Variants in FBXO45 observed in about 807,000 individuals in gnomAD.
The protein encoded by FBXO45 is F-box/SPRY domain-containing protein 1.
Under a neutral mutation model 25.5 loss-of-function variants are expected in FBXO45, and 3 were observed. That is an observed-to-expected ratio of 0.12 (90% CI 0.05 to 0.30). The LOEUF (loss-of-function observed/expected upper bound fraction) is 0.30, where lower values mean the gene tolerates loss of function less well. Ranked by LOEUF, FBXO45 falls within the 10% of genes least tolerant of loss-of-function variation. The pLI is 1.00. For synonymous variants in FBXO45, 155 were observed against 149.8 expected, an observed-to-expected ratio of 1.03 and a Z score of -0.25; for missense variants, 219 against 365.0, an observed-to-expected ratio of 0.60 and a Z score of 3.26.
At chr3:196,570,896 A>G (rs559103879) in intron 1 of FBXO45, among the ~76,000 whole-genome samples, 1 of 152,094 alleles carries the variant, frequency 6.6e-6, no homozygotes, top group Admixed American at 6.5e-5. Context: ...TACTTTCAGT[A>G]GAGACAGGGT....
In FBXO45 at chr3:196,569,714, T is replaced by C. The variant is rs2088181257; in HGVS notation, c.318+412T>C. 2.0e-5 allele frequency among the ~76,000 whole-genome samples: 3 copies of C among 152,244 alleles called. No individual in the cohort carries two copies. The South Asian group carries it at 6.2e-4, about 31-fold the overall frequency. Reference sequence around the variant, plus strand: ...GTTTCTAAGTTTCTAAGTTTCTAGTTTGCTTTCACTCCACGTTTATCTCAT... The same window carrying C: ...GTTTCTAAGTTTCTAAGTTTCTAGTCTGCTTTCACTCCACGTTTATCTCAT... On this transcript the variant is annotated intron_variant, in intron 1 of 2. Coordinates refer to ENST00000311630, the MANE Select transcript of FBXO45 (RefSeq NM_001105573.2). The surrounding 1 kb of genome is among the most constrained non-coding windows in gnomAD (Gnocchi z 4.1).
intron 1 of FBXO45, among the ~76,000 whole-genome samples, 198 bp from the exon 2 acceptor site, chr3:196,577,255 G>A (rs535739509): frequency 1.4e-5 from 2 of 139,666 alleles, no homozygotes; most frequent in South Asian, 4.5e-4. Flanking sequence ...GTGATGAAAC[G>A]GTTGGCATTT....
chr3:196,570,624 T>C (rs761665987), intron 1 of FBXO45, among the ~76,000 whole-genome samples: 5 of 152,146 alleles, frequency 3.3e-5, no homozygotes, highest in Non-Finnish European at 1.5e-5. Context: ...AATTTATACT[T>C]ATGTAGTAAA....
intron 1 of FBXO45, among the ~76,000 whole-genome samples, chr3:196,575,642 T>G (rs1212377012): frequency 6.6e-6 from 1 of 151,784 alleles, no homozygotes; most frequent in African/African-American, 2.4e-5. Context: ...GACATGTTCC[T>G]TCCCCATTTA....
At position 196,582,774 on chromosome 3, in the gene FBXO45, A is replaced by G. The variant is rs535352151; in HGVS notation, c.676-1359A>G. ...GTTTAATAAGCCTATTCTATATTCTACATTAGAATTTGTAGCCAGATTGGA... is the reference window on the plus strand; with the variant it reads ...GTTTAATAAGCCTATTCTATATTCTGCATTAGAATTTGTAGCCAGATTGGA... On this transcript the variant is annotated intron_variant, in intron 2 of 2. Coordinates refer to ENST00000311630, the MANE Select transcript of FBXO45 (RefSeq NM_001105573.2). 4.6e-5 allele frequency among the ~76,000 whole-genome samples: 7 copies of G among 152,332 alleles called. No individual in the cohort carries two copies. In the East Asian group the frequency reaches 5.8e-4, roughly 13 times the overall value.
intron 1 of FBXO45, among the ~76,000 whole-genome samples, chr3:196,572,031 G>A (rs528542557): frequency 5.3e-5 from 8 of 152,328 alleles, no homozygotes; most frequent in African/African-American, 1.7e-4. Flanking sequence ...TCAGTGAAAG[G>A]AGGAATTTAC....
rs562209451 is a variant in FBXO45, at chr3:196,581,140, A to G, written c.676-2993A>G. On this transcript the variant is annotated intron_variant, in intron 2 of 2. Transcript: ENST00000311630. The stretch of plus-strand genomic sequence containing the variant: ...AGGTTATAAATTTTTTTCTTTTGCC[A>G]TCTCACCTCTGCTATTGAACTGGGC... 1.1e-4 allele frequency among the ~76,000 whole-genome samples: 16 copies of G among 147,644 alleles called. No homozygotes were observed. The South Asian group carries it at 2.8e-3, about 26-fold the overall frequency.
At chr3:196,575,259 C>G (rs1443444649) in intron 1 of FBXO45, among the ~76,000 whole-genome samples, 2 of 152,068 alleles carry the variant, frequency 1.3e-5, no homozygotes, top group Non-Finnish European at 1.5e-5. Context: ...AGTTTGAGAC[C>G]AGCCTGGCCA....
At position 196,588,575 on chromosome 3, in the gene FBXO45, T is replaced by C. The variant is rs959429239; in HGVS notation, c.*4257T>C. ...TCTCCTTGAAATTTCCCTAGTTTTA[T>C]ATATCTATAGTTGACTCATGCTGTA... On this transcript the variant is annotated 3_prime_UTR_variant, in exon 3 of 3. Transcript: ENST00000311630. This position sits in a 1 kb window ranked among gnomAD's most constrained non-coding sequence, Gnocchi z 4.2. 1 of 152,224 alleles carries C rather than the reference T, an allele frequency of 6.6e-6. No homozygotes were observed. Among genetic ancestry groups the C allele is most frequent in the East Asian group, 1.9e-4 (1 of 5,204 alleles). 9.4% of individuals were successfully genotyped at this position (152,224 alleles called of 1,614,324 possible).
In FBXO45 at chr3:196,569,284, G is replaced by T; in HGVS notation, c.300G>T (p.Leu100=). ...TGCGCACGGACATCCTGTGCAACCT[G>T]CCCAGCTACAAGGCCAAGGTGAGAG... ...EALRTDILCN[L]PSYKAKIRAF... is the part of the protein sequence containing the mutation. Residue 100 remains leucine (L), a synonymous_variant, in exon 1 of 3, where the codon CTG becomes CTT. Coordinates refer to ENST00000311630, the MANE Select transcript of FBXO45 (RefSeq NM_001105573.2). This position sits in a 1 kb window ranked among gnomAD's most constrained non-coding sequence, Gnocchi z 4.1. 1 of 1,570,966 alleles carries T rather than the reference G, an allele frequency of 6.4e-7. No homozygotes were observed. Among genetic ancestry groups the T allele is most frequent in the Non-Finnish European group, 8.6e-7 (1 of 1,156,414 alleles).
rs1346465465 is a variant in FBXO45, at chr3:196,587,219, G to A, written c.*2901G>A. ...TTACCTGGTTTTACATAGGAAAGAAGAAATATTAAGGCTTAAAGTTTGTAA... is the reference window on the plus strand; with the variant it reads ...TTACCTGGTTTTACATAGGAAAGAAAAAATATTAAGGCTTAAAGTTTGTAA... On this transcript the variant is annotated 3_prime_UTR_variant, in exon 3 of 3. Transcript: ENST00000311630. The A allele has an allele frequency of 1.3e-5, 2 of 152,186 alleles. No homozygotes were observed. The highest frequency in any genetic ancestry group is 6.5e-5 in the Admixed American group (1 of 15,272). 9.4% of individuals were successfully genotyped at this position (152,186 alleles called of 1,614,324 possible).
rs754450166 is a variant in FBXO45 at position 196,584,170 on chromosome 3, A to G, written c.713A>G (p.Asp238Gly). 6.2e-7 allele frequency: 1 copy of G among 1,613,796 alleles called. No homozygotes were observed. The highest frequency in any genetic ancestry group is 1.3e-5 in the African/African-American group (1 of 74,924). Residue 238 changes from aspartate (D) to glycine (G), a missense_variant, in exon 3 of 3, where the codon GAT becomes GGT. Transcript: ENST00000311630. The surrounding 1 kb of genome is among the most constrained non-coding windows in gnomAD (Gnocchi z 4.3). ...ERIRVILDME[D>G]KTLAFERGYE... is the part of the protein sequence containing the mutation. Reference sequence around the variant, plus strand: ...ATTCGAGTCATCTTGGACATGGAAGATAAGACTTTAGCTTTTGAACGTGGA... The same window carrying G: ...ATTCGAGTCATCTTGGACATGGAAGGTAAGACTTTAGCTTTTGAACGTGGA...
At chr3:196,583,059 A>G (rs1736041956) in intron 2 of FBXO45, among the ~76,000 whole-genome samples, 2 of 152,080 alleles carry the variant, frequency 1.3e-5, no homozygotes, top group Non-Finnish European at 2.9e-5. Context: ...CTGCTCTACA[A>G]CTATATATAT....
At position 196,585,794 on chromosome 3, in the gene FBXO45, G is replaced by A. The variant is rs1009369930; in HGVS notation, c.*1476G>A. 3.3e-5 allele frequency: 5 copies of A among 152,182 alleles called. No individual in the cohort carries two copies. The highest frequency in any genetic ancestry group is 4.8e-5 in the African/African-American group (2 of 41,444). 9.4% of individuals were successfully genotyped at this position (152,182 alleles called of 1,614,324 possible). A position where few individuals can be genotyped will look rare whatever the true frequency, so the allele number is the denominator to read the frequency against. On this transcript the variant is annotated 3_prime_UTR_variant, in exon 3 of 3. Coordinates refer to ENST00000311630, the MANE Select transcript of FBXO45 (RefSeq NM_001105573.2). The stretch of plus-strand genomic sequence containing the variant: ...TACATAAGAATTGACAAAAGCGAGC[G>A]AAATCTTTGTACTTCTGAGTTCTTG...
At chr3:196,574,726 G>A (rs1350198241) in intron 1 of FBXO45, among the ~76,000 whole-genome samples, 4 of 152,198 alleles carry the variant, frequency 2.6e-5, no homozygotes, top group Non-Finnish European at 5.9e-5. Context: ...AAATTGTTAC[G>A]TGGCACAGAA....
Position 196,584,381 on chromosome 3 carries a change from A to G in FBXO45, c.*63A>G. ...AGATCTGCTTATGGGAAGTAGAACC[A>G]TGAAGTGACTGTCACACATGCATGT... On this transcript the variant is annotated 3_prime_UTR_variant, in exon 3 of 3. Coordinates refer to ENST00000311630, the MANE Select transcript of FBXO45 (RefSeq NM_001105573.2). The surrounding 1 kb of genome is among the most constrained non-coding windows in gnomAD (Gnocchi z 4.3). The G allele has an allele frequency of 7.1e-7, 1 of 1,416,786 alleles. No homozygotes were observed. Among genetic ancestry groups the G allele is most frequent in the Non-Finnish European group, 9.5e-7 (1 of 1,053,624 alleles). The allele number at this position is 1,416,786 out of a possible 1,614,324, so 87.8% of individuals were successfully genotyped here.
chr3:196,569,449 C>G lies in FBXO45; in HGVS notation c.318+147C>G, dbSNP rs66570007. 9 of 689,334 alleles carry G rather than the reference C, an allele frequency of 1.3e-5. No homozygotes were observed. The highest frequency in any genetic ancestry group is 9.0e-5 in the East Asian group (3 of 33,454). 42.7% of individuals were successfully genotyped at this position (689,334 alleles called of 1,614,324 possible). On this transcript the variant is annotated intron_variant, in intron 1 of 2. Transcript: ENST00000311630. This position sits in a 1 kb window ranked among gnomAD's most constrained non-coding sequence, Gnocchi z 4.1. Reference sequence around the variant, plus strand: ...CAGTCAGTATCTTCCTCACCTCCCCCCAAGATAAAGATTCTCTTTTCTTTG... The same window carrying G: ...CAGTCAGTATCTTCCTCACCTCCCCGCAAGATAAAGATTCTCTTTTCTTTG...
At chr3:196,575,969 G>A (rs532035696) in intron 1 of FBXO45, among the ~76,000 whole-genome samples, 3 of 152,162 alleles carry the variant, frequency 2.0e-5, no homozygotes, top group Non-Finnish European at 4.4e-5. Flanking sequence ...GAGCCACCGC[G>A]CCCGGCCCCT....
At chr3:196,574,557 C>G (rs908590894) in intron 1 of FBXO45, among the ~76,000 whole-genome samples, 1 of 152,136 alleles carries the variant, frequency 6.6e-6, no homozygotes, top group Non-Finnish European at 1.5e-5. Context: ...ACTCTCAGCT[C>G]GATTTTGCGG....
Sources: allele counts gnomAD v4.1 joint callset (sites outside exome capture counted in the v4.1 genomes callset), GRCh38; gene constraint gnomAD v4.1.1; non-coding constraint Gnocchi (gnomAD v3.1); transcripts MANE v1.5; gene names NCBI Gene and HGNC (gene_info 2026-07-23, HGNC 2026-07-21).